The following BRAF variants were observed in gnomAD, a reference collection of about 807,000 sequenced individuals.
BRAF encodes the protein B-Raf proto-oncogene, serine/threonine kinase.
Under a neutral mutation model 104.6 loss-of-function variants are expected in BRAF, and 16 were observed. That is an observed-to-expected ratio of 0.15 (90% CI 0.10 to 0.23). The LOEUF is 0.23. BRAF is among the 10% of genes least tolerant of loss of function. The probability of loss-of-function intolerance (pLI) is 1.00; values close to 1 mark genes in which losing one functional copy is unlikely to be tolerated. For missense variants in BRAF, 541 were observed against 937.3 expected (o/e 0.58, Z 5.52); for synonymous variants, 310 against 341.6 (o/e 0.91, Z 1.02).
intron 1 of BRAF, among the ~76,000 whole-genome samples, chr7:140,913,469 CTTTTTTTTTTTTTTTT>C (rs369746551): frequency 1.1e-4 from 6 of 56,998 alleles, no homozygotes; most frequent in Non-Finnish European, 1.8e-4. Flanking sequence ...TTAATCACAG[CTTTTTTTTTTTTTTTT>C]TTTTTTTTTT....
chr7:140,777,841 T>C, intron 13 of BRAF, 150 bp downstream of exon 12: 2 of 812,736 alleles, frequency 2.5e-6, no homozygotes, highest in Admixed American at 4.1e-5. Flanking sequence ...AGAATGTGGT[T>C]AAAGACAAAA....
rs1795604895 is a variant in BRAF, at chr7:140,726,511, A to G, written c.2407T>C (p.Phe803Leu). Residue 803 changes from phenylalanine to leucine, a missense_variant, in exon 20 of 20, where the codon TTT becomes CTT. This residue lies in a region of BRAF where 129 missense variants were observed against 285.8 expected (regional missense o/e 0.45). Coordinates refer to ENST00000644969, the MANE Select transcript of BRAF (RefSeq NM_001374258.1). ...TPIQAGGYGE[F>L]AAFK ...GATGGTGGCTACTTGAAGGCTGCAA[A>G]TTCTCCTGTAGAGGGAGGACAAGAG... 2 of 1,536,186 alleles carry G rather than the reference A, an allele frequency of 1.3e-6. No individual in the cohort carries two copies. Among genetic ancestry groups the G allele is most frequent in the Admixed American group, 2.0e-5 (1 of 50,986 alleles).
chr7:140,834,344 A>ATAGGCCTATG, intron 3 of BRAF: 1 of 579,978 alleles, frequency 1.7e-6, no homozygotes. Flanking sequence ...GATTTATTTT[A>ATAGGCCTATG]AACTAGTGCT....
chr7:140,763,075 C>T (rs1329672627), intron 14 of BRAF, among the ~76,000 whole-genome samples: 1 of 152,364 alleles, frequency 6.6e-6, no homozygotes, highest in Non-Finnish European at 1.5e-5. Context: ...CCTTCTATTC[C>T]ACAAAACCGC....
chr7:140,786,128 A>G (rs1801325957), intron 9 of BRAF, among the ~76,000 whole-genome samples: 1 of 152,246 alleles, frequency 6.6e-6, no homozygotes, highest in Admixed American at 6.5e-5. Context: ...CTATTAAGAC[A>G]TACGAAAGTC....
chr7:140,722,323 T>C lies in BRAF; in HGVS notation c.*4171A>G, dbSNP rs1795361580. Reference sequence around the variant, plus strand: ...AGTGCATTTACCTATGCAGTCTAAATTGCACTCTAAAAATTATTAACACAG... The same window carrying C: ...AGTGCATTTACCTATGCAGTCTAAACTGCACTCTAAAAATTATTAACACAG... On this transcript the variant is annotated 3_prime_UTR_variant, in exon 20 of 20. Transcript: ENST00000644969. 1 of 1,055,498 alleles carries C rather than the reference T, an allele frequency of 9.5e-7. No individual in the cohort carries two copies. The highest frequency in any genetic ancestry group is 1.1e-6 in the Non-Finnish European group (1 of 873,094). The allele number at this position is 1,055,498 out of a possible 1,614,324, so 65.4% of individuals were successfully genotyped here.
At chr7:140,729,798 G>T (rs1277348092) in intron 19 of BRAF, among the ~76,000 whole-genome samples, 2 of 151,950 alleles carry the variant, frequency 1.3e-5, no homozygotes, top group Non-Finnish European at 1.5e-5. Context: ...AAATTACCAG[G>T]GTGTGGTGGT....
intron 14 of BRAF, among the ~76,000 whole-genome samples, chr7:140,756,638 C>T (rs1798228100): frequency 6.6e-6 from 1 of 152,050 alleles, no homozygotes; most frequent in African/African-American, 2.4e-5. Context: ...TTTACTTTGC[C>T]ATATATGACA....
intron 1 of BRAF, among the ~76,000 whole-genome samples, chr7:140,890,768 C>T (rs1023314609): frequency 7.9e-5 from 12 of 152,140 alleles, no homozygotes; most frequent in Admixed American, 6.5e-4. Flanking sequence ...CAGGCAAGGT[C>T]AAAACCCAAA....
chr7:140,878,561 A>C (rs1398533384), intron 1 of BRAF, among the ~76,000 whole-genome samples: 1 of 148,072 alleles, frequency 6.8e-6, no homozygotes, highest in African/African-American at 2.7e-5. Flanking sequence ...ATGGAGGTAG[A>C]CAGTAGAGTA....
At chr7:140,761,636 G>C (rs1798750253) in intron 14 of BRAF, among the ~76,000 whole-genome samples, 1 of 152,022 alleles carries the variant, frequency 6.6e-6, no homozygotes, top group African/African-American at 2.4e-5. Context: ...GCTGCATACA[G>C]GAAACCCATC....
intron 1 of BRAF, among the ~76,000 whole-genome samples, chr7:140,903,609 T>G (rs1815928637): frequency 6.6e-6 from 1 of 152,234 alleles, no homozygotes; most frequent in Non-Finnish European, 1.5e-5. Flanking sequence ...ATTCCTTATT[T>G]AAGAAGTACC....
chr7:140,916,041 C>A (rs1446601518), intron 1 of BRAF, among the ~76,000 whole-genome samples: 2 of 151,942 alleles, frequency 1.3e-5, no homozygotes, highest in African/African-American at 4.8e-5. Flanking sequence ...GCAAGGTGAC[C>A]CAACAAAACT....
At chr7:140,837,005 C>T (rs539787354) in intron 2 of BRAF, among the ~76,000 whole-genome samples, 2 of 152,300 alleles carry the variant, frequency 1.3e-5, no homozygotes, top group East Asian at 3.9e-4. Flanking sequence ...GTATACTGAT[C>T]CCTCCATGAC....
chr7:140,826,766 C>T (rs187539208), intron 3 of BRAF, among the ~76,000 whole-genome samples: 2 of 152,274 alleles, frequency 1.3e-5, no homozygotes, highest in South Asian at 2.1e-4. Flanking sequence ...CATGTAATTC[C>T]TAAGAACAAG....
In BRAF at chr7:140,721,729, T is replaced by A. The variant is rs1204790730; in HGVS notation, c.*4765A>T. 4.0e-6 allele frequency: 6 copies of A among 1,515,814 alleles called. No homozygotes were observed. Among genetic ancestry groups the A allele is most frequent in the Non-Finnish European group, 5.3e-6 (6 of 1,138,724 alleles). The allele number at this position is 1,515,814 out of a possible 1,614,324, so 93.9% of individuals were successfully genotyped here. The stretch of plus-strand genomic sequence containing the variant: ...TGTGCTGGAGACAATACATGGACTT[T>A]CTCTTTCAATGGTGAGGAATGAAAC... On this transcript the variant is annotated 3_prime_UTR_variant, in exon 20 of 20. Transcript: ENST00000644969.
At chr7:140,834,980 G>T (rs1282887944) in intron 2 of BRAF, 108 bp from the exon 3 acceptor site, 4 of 1,266,206 alleles carry the variant, frequency 3.2e-6, no homozygotes, top group Non-Finnish European at 4.5e-6. Context: ...AGTTGATAGG[G>T]TTTTAAGTTT....
At chr7:140,717,288 TTTTTTTCTC>T (rs1795150971), downstream of BRAF, among the ~76,000 whole-genome samples, 1 of 152,148 alleles carries the variant, frequency 6.6e-6, no homozygotes, top group Non-Finnish European at 1.5e-5. Flanking sequence ...GACCAGTTTT[TTTTTTTCTC>T]TGAAACAGGG....
chr7:140,815,790 G>A (rs1372559835), intron 3 of BRAF, among the ~76,000 whole-genome samples: 1 of 152,094 alleles, frequency 6.6e-6, no homozygotes, highest in Non-Finnish European at 1.5e-5. Flanking sequence ...CTTATAACAT[G>A]CTTTCATTAA....
Sources: allele counts gnomAD v4.1 joint callset (sites outside exome capture counted in the v4.1 genomes callset), GRCh38; gene constraint gnomAD v4.1.1; regional missense constraint gnomAD v4.1.1; transcripts MANE v1.5; gene names NCBI Gene and HGNC (gene_info 2026-07-23, HGNC 2026-07-21).